Variants in NAALADL2 observed in about 807,000 individuals in gnomAD.
The protein encoded by NAALADL2 is N-acetylated alpha-linked acidic dipeptidase like 2, also known as inactive N-acetylated-alpha-linked acidic dipeptidase-like protein 2.
A neutral mutation model predicts 87.2 loss-of-function variants in NAALADL2; 76 were observed. The observed-to-expected ratio is 0.87, with a 90% CI of 0.72 to 1.05. The LOEUF is 1.05. NAALADL2 is among the 50% of genes least tolerant of loss of function. The pLI is 0.00. For missense variants in NAALADL2, 1,089 were observed against 945.8 expected, an observed-to-expected ratio of 1.15 and a Z score of -1.99; for synonymous variants, 354 against 331.0, an observed-to-expected ratio of 1.07 and a Z score of -0.75.
intron 2 of NAALADL2, among the ~76,000 whole-genome samples, chr3:174,724,425 A>G (rs993561766): frequency 3.3e-5 from 5 of 152,198 alleles, no homozygotes; most frequent in African/African-American, 9.6e-5. Flanking sequence ...GCTTTAGTAA[A>G]CAAATATTGG....
At chr3:175,373,714 T>C (rs1766774709) in intron 5 of NAALADL2, among the ~76,000 whole-genome samples, 1 of 152,314 alleles carries the variant, frequency 6.6e-6, no homozygotes, top group Middle Eastern at 3.4e-3. Flanking sequence ...AGTAAGTGTA[T>C]TTTAACTTTA....
chr3:175,438,914 C>A (rs1169543855), intron 5 of NAALADL2, among the ~76,000 whole-genome samples: 2 of 151,748 alleles, frequency 1.3e-5, no homozygotes, highest in Admixed American at 1.3e-4. Flanking sequence ...TGAATAAGTC[C>A]TTTAGTGGTG....
intron 4 of NAALADL2, among the ~76,000 whole-genome samples, chr3:175,320,425 G>A (rs1759700842): frequency 6.6e-6 from 1 of 152,174 alleles, no homozygotes; most frequent in Non-Finnish European, 1.5e-5. Flanking sequence ...TGATCTTTCA[G>A]AAGGAGACCC....
chr3:175,215,957 T>C lies in NAALADL2; in HGVS notation c.546-17974T>C, dbSNP rs117893783. ...AATTACCTCTTTAGAGGTAATAGAA[T>C]GATTTCTTTTCTATTAATTTCTATG... On this transcript the variant is annotated intron_variant, in intron 2 of 13. Coordinates refer to ENST00000454872, the MANE Select transcript of NAALADL2 (RefSeq NM_207015.3). Among the ~76,000 whole-genome samples the C allele has an allele frequency of 4.8e-3, 731 of 152,286 alleles. 11 individuals carry two copies. Among genetic ancestry groups the C allele is most frequent in the East Asian group, 0.036 (187 of 5,172 alleles).
intron 1 of NAALADL2, among the ~76,000 whole-genome samples, chr3:174,959,948 G>T (rs1352252282): frequency 6.6e-6 from 1 of 151,916 alleles, no homozygotes; most frequent in Admixed American, 6.6e-5. Flanking sequence ...AAAGTTAATT[G>T]TCCCTTAAAG....
chr3:175,440,552 G>T (rs565272955), intron 5 of NAALADL2, among the ~76,000 whole-genome samples: 9 of 152,174 alleles, frequency 5.9e-5, no homozygotes, highest in Non-Finnish European at 1.3e-4. Flanking sequence ...TGTCATCGAT[G>T]ATTTCTTTCA....
intron 10 of NAALADL2, among the ~76,000 whole-genome samples, chr3:175,584,935 C>A (rs371879273): frequency 2.6e-5 from 4 of 152,114 alleles, no homozygotes; most frequent in Non-Finnish European, 4.4e-5. Flanking sequence ...ACACTATACA[C>A]ATAGGCTACA....
In NAALADL2 at chr3:175,250,609, T is replaced by C. The variant is rs144096625; in HGVS notation, c.820-5802T>C. On this transcript the variant is annotated intron_variant, in intron 3 of 13. Coordinates refer to ENST00000454872, the MANE Select transcript of NAALADL2 (RefSeq NM_207015.3). ...GTGTCTTTCTCTAGTGGCCACCAAATGCCCATTGTTCCTTCCAATGAAAAG... is the reference window on the plus strand; with the variant it reads ...GTGTCTTTCTCTAGTGGCCACCAAACGCCCATTGTTCCTTCCAATGAAAAG... Among the ~76,000 whole-genome samples the C allele has an allele frequency of 2.2e-4, 33 of 152,280 alleles. No homozygotes were observed. The South Asian group carries it at 2.3e-3, about 11-fold the overall frequency.
intron 11 of NAALADL2, among the ~76,000 whole-genome samples, chr3:175,652,953 GA>G (rs1287070048): frequency 1.2e-4 from 18 of 152,092 alleles, no homozygotes; most frequent in Admixed American, 1.2e-3. Flanking sequence ...AAGCCTTACT[GA>G]TAACATAAAC....
chr3:175,355,919 G>T (rs1334350322), intron 5 of NAALADL2, among the ~76,000 whole-genome samples: 2 of 152,150 alleles, frequency 1.3e-5, no homozygotes, highest in East Asian at 3.9e-4. Flanking sequence ...AAATGGGTAG[G>T]CAGATAACTA....
At position 175,013,132 on chromosome 3, in the gene NAALADL2, A is replaced by ATATAAATATACATATT. The variant is rs1417024948; in HGVS notation, c.44-83649_44-83648insACATATTTATAAATAT. Among the ~76,000 whole-genome samples, 15 of 97,970 alleles carry ATATAAATATACATATT rather than the reference A, an allele frequency of 1.5e-4. 1 individual carries two copies. The highest frequency in any genetic ancestry group is 6.2e-4 in the African/African-American group (15 of 24,294). The allele number at this position is 97,970 out of a possible 152,430, so 64.3% of individuals were successfully genotyped here. On this transcript the variant is annotated intron_variant, in intron 1 of 13. Coordinates refer to ENST00000454872, the MANE Select transcript of NAALADL2 (RefSeq NM_207015.3). ...TTTATATATAAATATACATATTTAT[A>ATATAAATATACATATT]TATAAATATGTAATACATATTTATA...
intron 3 of NAALADL2, among the ~76,000 whole-genome samples, chr3:174,755,006 C>T (rs1222851896): frequency 2.0e-5 from 3 of 152,198 alleles, no homozygotes; most frequent in Non-Finnish European, 4.4e-5. Flanking sequence ...CTTTGTGTCC[C>T]CACCCAAATC....
intron 10 of NAALADL2, among the ~76,000 whole-genome samples, chr3:175,587,585 C>G (rs1478286439): frequency 2.0e-5 from 3 of 151,996 alleles, no homozygotes; most frequent in Admixed American, 6.6e-5. Context: ...ATTTTATCTT[C>G]CTTCCTAACT....
chr3:175,597,100 T>C (rs1271636924), intron 10 of NAALADL2, among the ~76,000 whole-genome samples: 2 of 152,054 alleles, frequency 1.3e-5, no homozygotes, highest in African/African-American at 4.8e-5. Context: ...TATGCATAAC[T>C]TCTTGAAGGT....
chr3:174,969,801 CA>C (rs1743371365), intron 1 of NAALADL2, among the ~76,000 whole-genome samples: 2 of 152,118 alleles, frequency 1.3e-5, no homozygotes, highest in East Asian at 3.9e-4. Flanking sequence ...GCATTGATTA[CA>C]GGTTTGTTTC....
intron 11 of NAALADL2, among the ~76,000 whole-genome samples, chr3:175,664,847 TC>T (rs1560938068): frequency 6.6e-6 from 1 of 152,168 alleles, no homozygotes; most frequent in Non-Finnish European, 1.5e-5. Flanking sequence ...TGATTTTTTT[TC>T]CTATCAAATC....
chr3:175,064,096 C>G (rs1443893145), intron 1 of NAALADL2, among the ~76,000 whole-genome samples: 2 of 151,968 alleles, frequency 1.3e-5, no homozygotes, highest in Non-Finnish European at 2.9e-5. Context: ...TCTCTTCAAC[C>G]TGTCGTTGTC....
chr3:175,266,392 A>G (rs1368628968), intron 4 of NAALADL2, among the ~76,000 whole-genome samples: 2 of 151,590 alleles, frequency 1.3e-5, no homozygotes, highest in African/African-American at 4.8e-5. Flanking sequence ...ATAATCTAGA[A>G]ATATACATAG....
At chr3:174,841,722 T>G (rs1219568329) in intron 3 of NAALADL2, among the ~76,000 whole-genome samples, 1 of 152,218 alleles carries the variant, frequency 6.6e-6, no homozygotes, top group East Asian at 1.9e-4. Context: ...CATTGCATTT[T>G]TAAAAAATGA....
Sources: gnomAD v4.1 joint callset for allele counts (sites outside exome capture counted in the v4.1 genomes callset) on GRCh38, gnomAD v4.1.1 for gene constraint, MANE v1.5 for transcripts, NCBI Gene and HGNC (gene_info 2026-07-23, HGNC 2026-07-21) for gene names.